Variants in DIP2C observed in about 807,000 individuals in gnomAD.
DIP2C encodes disco-interacting protein 2 homolog C.
A neutral mutation model predicts 192.4 loss-of-function variants in DIP2C; 33 were observed. The observed-to-expected ratio is 0.17, with a 90% CI of 0.13 to 0.23. DIP2C has a LOEUF of 0.23. DIP2C is among the 10% of genes least tolerant of loss of function. The pLI is 1.00. For synonymous variants in DIP2C, 979 were observed against 864.1 expected (o/e 1.13, Z -2.33); for missense variants, 1,537 against 2,110.1 (o/e 0.73, Z 5.32).
intron 31 of DIP2C, among the ~76,000 whole-genome samples, chr10:317,363 T>G (rs2132365228): frequency 6.6e-6 from 1 of 152,324 alleles, no homozygotes; most frequent in South Asian, 2.1e-4. Context: ...GTTTCTGCTT[T>G]GAGTGGCACA....
chr10:388,430 C>T (rs1016928605), intron 13 of DIP2C, among the ~76,000 whole-genome samples: 3 of 152,196 alleles, frequency 2.0e-5, no homozygotes, highest in African/African-American at 7.2e-5. Flanking sequence ...CAGCCAAGGT[C>T]AGCAGCTGCC....
rs374028645 is a variant in DIP2C, at chr10:644,516, G to A, written c.85+44978C>T. Reference sequence around the variant, plus strand: ...GGCTTCTTGCTCTGTCAGCAACACGGCCCGCCGTAGAGCCACACGGGTTCT... The same window carrying A: ...GGCTTCTTGCTCTGTCAGCAACACGACCCGCCGTAGAGCCACACGGGTTCT... On this transcript the variant is annotated intron_variant, in intron 1 of 36. Transcript: ENST00000280886. Among the ~76,000 whole-genome samples the A allele has an allele frequency of 3.1e-4, 48 of 152,394 alleles. No individual in the cohort carries two copies. The South Asian group carries it at 3.9e-3, about 13-fold the overall frequency.
intron 1 of DIP2C, among the ~76,000 whole-genome samples, chr10:551,295 G>A (rs540302733): frequency 2.0e-4 from 30 of 152,272 alleles, no homozygotes; most frequent in Non-Finnish European, 3.1e-4. Flanking sequence ...CCCCGCCATG[G>A]AGCCTGGCAT....
chr10:480,328 C>T (rs577919856), intron 2 of DIP2C, among the ~76,000 whole-genome samples: 3 of 150,922 alleles, frequency 2.0e-5, no homozygotes, highest in African/African-American at 7.3e-5. Flanking sequence ...CCGGTCCATG[C>T]TCACTGGATG....
At chr10:390,488 G>A (rs1044263087) in intron 11 of DIP2C, 115 bp from the exon 12 acceptor site, 14 of 1,142,460 alleles carry the variant, frequency 1.2e-5, no homozygotes, top group Non-Finnish European at 1.5e-5. Context: ...AATCTCTGGT[G>A]TCTCCGGACT....
At chr10:557,901 C>CAGGCGGGCAGGCAGGCAGGCAG (rs1181007795) in intron 1 of DIP2C, among the ~76,000 whole-genome samples, 1 of 12,024 alleles carries the variant, frequency 8.3e-5, no homozygotes, top group Admixed American at 1.0e-3. Flanking sequence ...CAGGGGCAGG[C>CAGGCGGGCAGGCAGGCAGGCAG]GGGGAAGGGG....
chr10:428,950 TCCTTTCC>T (rs1966764558), intron 4 of DIP2C, among the ~76,000 whole-genome samples: 2 of 152,140 alleles, frequency 1.3e-5, no homozygotes, highest in African/African-American at 4.8e-5. Flanking sequence ...GTCTCACTTA[TCCTTTCC>T]AACTCCACAT....
Position 321,589 on chromosome 10 carries a change from AGC to A in DIP2C, c.3924+5415_3924+5416del, listed in dbSNP as rs1213470104. Among the ~76,000 whole-genome samples, 4 of 62,022 alleles carry A rather than the reference AGC, an allele frequency of 6.4e-5. 1 individual carries two copies. The highest frequency in any genetic ancestry group is 2.2e-4 in the African/African-American group (4 of 17,866). The allele number at this position is 62,022 out of a possible 152,430, so 40.7% of individuals were successfully genotyped here. Reference sequence around the variant, plus strand: ...CAGTCAGTCGGGGGTGCGGGGCTCCAGCGAGAGACCGGCGCTGTTAGAACAGT... The same window carrying A: ...CAGTCAGTCGGGGGTGCGGGGCTCCAGAGAGACCGGCGCTGTTAGAACAGT... On this transcript the variant is annotated intron_variant, in intron 31 of 36. Coordinates refer to ENST00000280886, the MANE Select transcript of DIP2C (RefSeq NM_014974.3).
At chr10:623,777 C>G (rs1007687632) in intron 1 of DIP2C, among the ~76,000 whole-genome samples, 1 of 151,196 alleles carries the variant, frequency 6.6e-6, no homozygotes, top group African/African-American at 2.4e-5. Context: ...GGATGCAGGG[C>G]TGAGGGGAGC....
chr10:381,171 A>T (rs1024557915), intron 17 of DIP2C, among the ~76,000 whole-genome samples: 12 of 152,232 alleles, frequency 7.9e-5, no homozygotes, highest in African/African-American at 2.9e-4. Flanking sequence ...AATTCATCTC[A>T]GGAAATTAGG....
chr10:620,419 C>T (rs1445187159), intron 1 of DIP2C, among the ~76,000 whole-genome samples: 2 of 152,136 alleles, frequency 1.3e-5, no homozygotes, highest in Admixed American at 1.3e-4. Context: ...AAACGGCACA[C>T]GGAGAGGGGC....
intron 1 of DIP2C, among the ~76,000 whole-genome samples, chr10:581,472 GT>G (rs1850659847): frequency 1.3e-4 from 20 of 152,100 alleles, no homozygotes; most frequent in Admixed American, 1.3e-3. Flanking sequence ...TTTTTTTAAA[GT>G]TATATTTGAA....
chr10:468,734 C>T (rs1028217213), intron 3 of DIP2C, among the ~76,000 whole-genome samples: 1 of 152,158 alleles, frequency 6.6e-6, no homozygotes, highest in Non-Finnish European at 1.5e-5. Context: ...GAGATCACAC[C>T]ATTGCACTCC....
At chr10:561,531 C>T (rs1849216361) in intron 1 of DIP2C, among the ~76,000 whole-genome samples, 1 of 152,188 alleles carries the variant, frequency 6.6e-6, no homozygotes, top group Non-Finnish European at 1.5e-5. Flanking sequence ...TTGCTTCTCC[C>T]CAAGTTTACT....
intron 3 of DIP2C, among the ~76,000 whole-genome samples, chr10:454,157 GTTCA>G (rs1969087183): frequency 6.6e-6 from 1 of 152,156 alleles, no homozygotes; most frequent in South Asian, 2.1e-4. Context: ...GCTGCTAACA[GTTCA>G]TTCCCTTTAG....
In DIP2C at chr10:388,004, G is replaced by C. The variant is rs556682980; in HGVS notation, c.1598-195C>G. ...CCGGCCACCCTGGAGTTTCTCGACA[G>C]ATATCCTGACACATGAGTGAGCAGC... On this transcript the variant is annotated intron_variant, in intron 13 of 36. Coordinates refer to ENST00000280886, the MANE Select transcript of DIP2C (RefSeq NM_014974.3). 5.8e-4 allele frequency among the ~76,000 whole-genome samples: 88 copies of C among 152,312 alleles called. No individual in the cohort carries two copies. The South Asian group carries it at 0.014, about 24-fold the overall frequency.
intron 29 of DIP2C, among the ~76,000 whole-genome samples, chr10:339,906 A>G (rs906656896): frequency 6.6e-6 from 1 of 152,226 alleles, no homozygotes; most frequent in African/African-American, 2.4e-5. Context: ...GAGTGTTGAC[A>G]GGAGAAAAAA....
Position 329,220 on chromosome 10 carries a change from C to T in DIP2C, c.3753+213G>A, listed in dbSNP as rs72772839. Among the ~76,000 whole-genome samples the T allele has an allele frequency of 2.5e-3, 375 of 152,328 alleles. 2 individuals carry two copies. Among genetic ancestry groups the T allele is most frequent in the East Asian group, 4.8e-3 (25 of 5,182 alleles). On this transcript the variant is annotated intron_variant, in intron 30 of 36. Coordinates refer to ENST00000280886, the MANE Select transcript of DIP2C (RefSeq NM_014974.3). ...AATGACAGGCATTGAAAATATTTTA[C>T]ATTCTGGTTCGTTACTGTCTGTGGT...
chr10:586,898 C>T (rs979943742), intron 1 of DIP2C, among the ~76,000 whole-genome samples: 1 of 152,228 alleles, frequency 6.6e-6, no homozygotes, highest in African/African-American at 2.4e-5. Context: ...AGCATGAGTT[C>T]TAAGGCCAGA....
Sources: gnomAD v4.1 joint callset for allele counts (sites outside exome capture counted in the v4.1 genomes callset) on GRCh38, gnomAD v4.1.1 for gene constraint, MANE v1.5 for transcripts, NCBI Gene and HGNC (gene_info 2026-07-23, HGNC 2026-07-21) for gene names.